NSD3: variants seen among roughly 807,000 people sequenced by gnomAD.
The protein encoded by NSD3 is nuclear receptor binding SET domain protein 3.
A neutral mutation model predicts 160.8 loss-of-function variants in NSD3; 24 were observed. The ratio of observed to expected loss-of-function variants is 0.15; its 90% CI spans 0.11 to 0.21. The LOEUF is 0.21. Among genes scored for constraint, NSD3 ranks in the 10% least tolerant of loss-of-function variants. The pLI, the probability that NSD3 is intolerant of heterozygous loss-of-function variation, is 1.00. For synonymous variants in NSD3, 520 were observed against 600.0 expected, an observed-to-expected ratio of 0.87 and a Z score of 1.95; for missense variants, 1,157 against 1,735.9, an observed-to-expected ratio of 0.67 and a Z score of 5.93.
intron 22 of NSD3, chr8:38,276,739 C>T: frequency 2.0e-6 from 1 of 509,968 alleles, no homozygotes; most frequent in East Asian, 3.6e-5. Context: ...GGCTGAAGTG[C>T]AGTGGTGCAA....
At chr8:38,357,549 A>G (rs911748715) in intron 1 of NSD3, among the ~76,000 whole-genome samples, 5 of 151,986 alleles carry the variant, frequency 3.3e-5, no homozygotes, top group African/African-American at 1.2e-4. Flanking sequence ...ACTCTTAACC[A>G]TCTTTTGAGC....
chr8:38,298,220 G>A (rs62503953), intron 15 of NSD3, among the ~76,000 whole-genome samples: 17,950 of 152,152 alleles, frequency 0.12, 1,052 homozygotes, highest in Non-Finnish European at 0.14. Flanking sequence ...ATTTTATATA[G>A]GTACCAGCAA....
chr8:38,299,384 G>C (rs558058778), intron 15 of NSD3, 60 bp downstream of exon 15: 1 of 1,547,600 alleles, frequency 6.5e-7, no homozygotes, highest in African/African-American at 1.4e-5. Flanking sequence ...CCCCTATATT[G>C]AAAGAGAAAA....
chr8:38,276,608 A>G, intron 22 of NSD3, 108 bp from the exon 23 acceptor site: 3 of 1,213,774 alleles, frequency 2.5e-6, no homozygotes, highest in Non-Finnish European at 3.5e-6. Context: ...CTGTTGTACA[A>G]TTACCTAAAA....
Position 38,318,775 on chromosome 8 carries a change from T to G in NSD3, c.1855+120A>C. 1 of 926,458 alleles carries G rather than the reference T, an allele frequency of 1.1e-6. No individual in the cohort carries two copies. Among genetic ancestry groups the G allele is most frequent in the Non-Finnish European group, 1.7e-6 (1 of 580,196 alleles). 57.4% of individuals were successfully genotyped at this position (926,458 alleles called of 1,614,324 possible). On this transcript the variant is annotated intron_variant, in intron 9 of 23. Coordinates refer to ENST00000317025, the MANE Select transcript of NSD3 (RefSeq NM_023034.2). The surrounding 1 kb of genome is among the most constrained non-coding windows in gnomAD (Gnocchi z 5.3). ...ACACGAACACTGGGGAATACTGCAA[T>G]TTCACACTGAAGAGCAACAACGATT...
intron 2 of NSD3, among the ~76,000 whole-genome samples, chr8:38,343,029 T>C (rs1810416220): frequency 6.6e-6 from 1 of 151,456 alleles, no homozygotes. Context: ...CCGTCTCTAC[T>C]AAAAATACAC....
intron 19 of NSD3, among the ~76,000 whole-genome samples, chr8:38,283,281 G>C (rs1288676531): frequency 6.6e-6 from 1 of 151,964 alleles, no homozygotes; most frequent in African/African-American, 2.4e-5. Context: ...ATTCAATCTA[G>C]GTCAATATTC....
At chr8:38,302,386 T>A (rs968382724) in intron 14 of NSD3, among the ~76,000 whole-genome samples, 1 of 152,236 alleles carries the variant, frequency 6.6e-6, no homozygotes, top group Non-Finnish European at 1.5e-5. Context: ...TCTGATCTAT[T>A]TAGAGTAAGT....
chr8:38,305,307 C>G lies in NSD3; in HGVS notation c.2381G>C (p.Cys794Ser). ...GCAGGCAGAGCAGCAGTGCTGAGGACAGCGGAATCCTTTTGATTCAAAGAT... is the reference window on the plus strand; with the variant it reads ...GCAGGCAGAGCAGCAGTGCTGAGGAGAGCGGAATCCTTTTGATTCAAAGAT... ...TAIFESKGFRCPQHCCSACSM... is the reference protein window; with the variant it reads ...TAIFESKGFRSPQHCCSACSM... Residue 794 changes from cysteine (C) to serine (S), a missense_variant, in exon 13 of 24, where the codon TGT (cysteine) becomes TCT (serine). By Grantham distance (112) the Cys-to-Ser change is moderately radical (BLOSUM62 -1). This residue lies in a region of NSD3 where 437 missense variants were observed against 576.6 expected (regional missense o/e 0.76). Coordinates refer to ENST00000317025, the MANE Select transcript of NSD3 (RefSeq NM_023034.2). 6.2e-7 allele frequency: 1 copy of G among 1,614,198 alleles called. No individual in the cohort carries two copies. Among genetic ancestry groups the G allele is most frequent in the Non-Finnish European group, 8.5e-7 (1 of 1,180,030 alleles).
At chr8:38,358,630 T>C (rs1353613709) in intron 1 of NSD3, among the ~76,000 whole-genome samples, 1 of 152,198 alleles carries the variant, frequency 6.6e-6, no homozygotes, top group African/African-American at 2.4e-5. Flanking sequence ...AAAGACAAGC[T>C]TAAGCATAGA....
At chr8:38,334,282 T>C (rs902729689) in intron 4 of NSD3, among the ~76,000 whole-genome samples, 8 of 152,168 alleles carry the variant, frequency 5.3e-5, no homozygotes, top group African/African-American at 1.9e-4. Context: ...GCCAGATGAA[T>C]AGGTAAGTCT....
In NSD3 at chr8:38,288,467, C is replaced by T. The variant is rs773531523; in HGVS notation, c.3501+20G>A. 27 of 1,611,254 alleles carry T rather than the reference C, an allele frequency of 1.7e-5. No homozygotes were observed. Among genetic ancestry groups the T allele is most frequent in the Admixed American group, 5.0e-5 (3 of 59,940 alleles). On this transcript the variant is annotated intron_variant, in intron 19 of 23. Transcript: ENST00000317025. This position sits in a 1 kb window ranked among gnomAD's most constrained non-coding sequence, Gnocchi z 4.5. ...GCCAGGTTCTGGTCTCTTCCACCCC[C>T]CACCACCATCCCATGCTACCTTCTT...
chr8:38,381,255 C>G (rs1458689243), intron 1 of NSD3, among the ~76,000 whole-genome samples: 1 of 152,010 alleles, frequency 6.6e-6, no homozygotes, highest in Admixed American at 6.6e-5. Flanking sequence ...CCTATTGCAG[C>G]CTGCCTCATC....
chr8:38,326,327 A>G (rs1809910825), intron 7 of NSD3, among the ~76,000 whole-genome samples: 1 of 152,224 alleles, frequency 6.6e-6, no homozygotes, highest in South Asian at 2.1e-4. Context: ...CACAACTAGG[A>G]ATAATGACAA....
In NSD3 at chr8:38,329,732, A is replaced by G; in HGVS notation, c.1227T>C (p.Ser409=). The change falls in exon 6 of 24, where the codon AGT becomes AGC. Residue 409 remains serine, a synonymous_variant. Transcript: ENST00000317025. This position sits in a 1 kb window ranked among gnomAD's most constrained non-coding sequence, Gnocchi z 4.8. ...PEEALSQAKK[S]VASKTEVKKT... ...TTTTAACTTCGGTTTTGGAGGCAAC[A>G]CTCTTTTTTGCTTGGGATAAAGCCT... The G allele has an allele frequency of 1.9e-6, 3 of 1,613,806 alleles. No individual in the cohort carries two copies. The highest frequency in any genetic ancestry group is 2.5e-6 in the Non-Finnish European group (3 of 1,179,952).
chr8:38,299,433 T>C lies in NSD3; in HGVS notation c.2758+11A>G. The C allele has an allele frequency of 6.2e-7, 1 of 1,606,814 alleles. No homozygotes were observed. The highest frequency in any genetic ancestry group is 1.1e-5 in the South Asian group (1 of 89,152). ...AAAAATAAAAGCAAGAGAAACTATT[T>C]TGATTATTACCTTTCTCACATTTCT... On this transcript the variant is annotated intron_variant, in intron 15 of 23. Coordinates refer to ENST00000317025, the MANE Select transcript of NSD3 (RefSeq NM_023034.2).
intron 16 of NSD3, 91 bp from the exon 17 acceptor site, chr8:38,290,768 T>G: frequency 7.7e-7 from 1 of 1,301,362 alleles, no homozygotes; most frequent in Non-Finnish European, 1.1e-6. Flanking sequence ...AAAGTTTTTG[T>G]ATTTTGCAAT....
At chr8:38,375,895 T>A (rs942797235) in intron 1 of NSD3, among the ~76,000 whole-genome samples, 4 of 152,162 alleles carry the variant, frequency 2.6e-5, no homozygotes, top group African/African-American at 9.6e-5. Context: ...TTTTTAAAGT[T>A]TTAACAATTT....
intron 2 of NSD3, among the ~76,000 whole-genome samples, chr8:38,339,031 T>C (rs1810292792): frequency 1.3e-5 from 2 of 151,758 alleles, no homozygotes; most frequent in Non-Finnish European, 1.5e-5. Context: ...TCCCAGCTAC[T>C]TGGGAGGCTG....
Sources: allele counts gnomAD v4.1 joint callset (sites outside exome capture counted in the v4.1 genomes callset), GRCh38; gene constraint gnomAD v4.1.1; regional missense constraint gnomAD v4.1.1; non-coding constraint Gnocchi (gnomAD v3.1); transcripts MANE v1.5; gene names NCBI Gene and HGNC (gene_info 2026-07-23, HGNC 2026-07-21).